Variants in GCC2 observed in about 807,000 individuals in gnomAD.
GCC2 encodes the protein GRIP and coiled-coil domain containing 2.
In GCC2, 120 loss-of-function variants were observed where a neutral mutation model predicts 210.6. The observed-to-expected ratio is 0.57, with a 90% CI of 0.49 to 0.66. GCC2 has a LOEUF of 0.66. Among genes scored for constraint, GCC2 ranks in the 30% least tolerant of loss-of-function variants. The probability of loss-of-function intolerance (pLI) is 0.00; values close to 1 mark genes in which losing one functional copy is unlikely to be tolerated. For synonymous variants in GCC2, 703 were observed against 652.7 expected (o/e 1.08, Z -1.17); for missense variants, 1,868 against 1,871.9 (o/e 1.00, Z 0.04).
At chr2:108,485,120 G>A (rs1459855301) in intron 13 of GCC2, among the ~76,000 whole-genome samples, 2 of 150,630 alleles carry the variant, frequency 1.3e-5, no homozygotes, top group Non-Finnish European at 3.0e-5. Context: ...GAACTGAACA[G>A]TGAGATCACA....
chr2:108,495,153 C>T lies in GCC2; in HGVS notation c.4448-138C>T, dbSNP rs1188189971. 8 of 537,284 alleles carry T rather than the reference C, an allele frequency of 1.5e-5. No homozygotes were observed. In the East Asian group the frequency reaches 1.9e-4, roughly 13 times the overall value. 33.3% of individuals were successfully genotyped at this position (537,284 alleles called of 1,614,324 possible). On this transcript the variant is annotated intron_variant, in intron 19 of 22. Transcript: ENST00000309863. ...AGAAATGCTTTAGCAATTCTTCATA[C>T]ACCTTTCACTTATCTTATAGTTACT...
chr2:108,470,645 A>T lies in GCC2; in HGVS notation c.1316A>T (p.Glu439Val). 1 of 1,612,506 alleles carries T rather than the reference A, an allele frequency of 6.2e-7. No homozygotes were observed. The highest frequency in any genetic ancestry group is 2.2e-5 in the East Asian group (1 of 44,856). The change falls in exon 6 of 23, where the codon GAA becomes GTA. Residue 439 changes from glutamate to valine, a missense_variant. Glu to Val is a moderately radical substitution (Grantham distance 121, BLOSUM62 -2). Around this residue, in one of 3 missense-constraint regions of GCC2, gnomAD observed 1,847 missense variants for 1,765.2 expected, o/e 1.05. Coordinates refer to ENST00000309863, the MANE Select transcript of GCC2 (RefSeq NM_181453.4). ...GAACAACATCAAAAAGAAATATCAG[A>T]ACTAAATGAGACATTTTTGTCAGAT... Reference protein sequence around the residue: ...LKEQHQKEISELNETFLSDSE... With the variant: ...LKEQHQKEISVLNETFLSDSE...
rs1329552835 is a variant in GCC2 at position 108,471,258 on chromosome 2, A to G, written c.1929A>G (p.Gln643=). 3.1e-6 allele frequency: 5 copies of G among 1,609,202 alleles called. No homozygotes were observed. The African/African-American group carries it at 6.7e-5, about 22-fold the overall frequency. The part of the protein sequence containing the change: ...QTIQYNSELE[Q]KVNELTGGLE... The stretch of plus-strand genomic sequence containing the variant: ...TCCAGTACAACAGTGAACTAGAACA[A>G]AAGGTAAATGAATTAACAGGAGGAC... The change falls in exon 6 of 23, where the codon CAA becomes CAG. Residue 643 remains glutamine (Q), a synonymous_variant. Coordinates refer to ENST00000309863, the MANE Select transcript of GCC2 (RefSeq NM_181453.4).
Position 108,466,619 on chromosome 2 carries a change from C to T in GCC2, c.217-2361C>T, listed in dbSNP as rs1470498750. Among the ~76,000 whole-genome samples, 8 of 151,736 alleles carry T rather than the reference C, an allele frequency of 5.3e-5. No homozygotes were observed. In the East Asian group the frequency reaches 1.6e-3, roughly 30 times the overall value. The stretch of plus-strand genomic sequence containing the variant: ...TCCCGAGTAGCTGGGAGTACAGGCG[C>T]CCACCACCACACCTGACTAATTTTT... On this transcript the variant is annotated intron_variant, in intron 4 of 22. Coordinates refer to ENST00000309863, the MANE Select transcript of GCC2 (RefSeq NM_181453.4).
rs200312342 is a variant in GCC2 at position 108,500,539 on chromosome 2, T to C, written c.4984+785T>C. ...AAAAACATCAACAACAAAAAAAAAC[T>C]ATGATGTAGTTAGAGTTGGTTTCCA... is the stretch of plus-strand genomic sequence containing the variant. On this transcript the variant is annotated intron_variant, in intron 22 of 22. Transcript: ENST00000309863. 4.6e-5 allele frequency among the ~76,000 whole-genome samples: 7 copies of C among 152,190 alleles called. No homozygotes were observed. The East Asian group carries it at 9.7e-4, about 21-fold the overall frequency.
chr2:108,472,056 A>G lies in GCC2; in HGVS notation c.2727A>G (p.Leu909=), dbSNP rs766504781. The G allele has an allele frequency of 8.2e-6, 13 of 1,585,706 alleles. No homozygotes were observed. In the East Asian group the frequency reaches 2.9e-4, roughly 35 times the overall value. Residue 909 remains leucine (L), a synonymous_variant, in exon 6 of 23, where the codon CTA becomes CTG. Coordinates refer to ENST00000309863, the MANE Select transcript of GCC2 (RefSeq NM_181453.4). ...EKCFIKEHEN[L]KPLLEQKELR... is the part of the protein sequence containing the mutation. The stretch of plus-strand genomic sequence containing the variant: ...GTTTTATAAAGGAACATGAAAACCT[A>G]AAGCCACTACTAGAACAAAAAGAAT...
chr2:108,509,304 A>T lies in GCC2; in HGVS notation c.*1674A>T, dbSNP rs1683371187. On this transcript the variant is annotated 3_prime_UTR_variant, in exon 23 of 23. Transcript: ENST00000309863. ...ATAATTTTTTGCATGATAAAAAATT[A>T]CTTTGATTACAAAAGGCATATTCTT... 6.6e-6 allele frequency: 1 copy of T among 152,584 alleles called. No homozygotes were observed. Among genetic ancestry groups the T allele is most frequent in the Non-Finnish European group, 1.5e-5 (1 of 68,042 alleles). The allele number at this position is 152,584 out of a possible 1,614,324, so 9.5% of individuals were successfully genotyped here. A position where few individuals can be genotyped will look rare whatever the true frequency, so the allele number is the denominator to read the frequency against.
At chr2:108,506,704 GCTT>G (rs1005905750) in intron 22 of GCC2, among the ~76,000 whole-genome samples, 2 of 152,228 alleles carry the variant, frequency 1.3e-5, no homozygotes, top group Non-Finnish European at 2.9e-5. Context: ...TTGTATATAA[GCTT>G]CTGTTTTAAA....
At position 108,485,893 on chromosome 2, in the gene GCC2, A is replaced by C; in HGVS notation, c.3777A>C (p.Gln1259His). Residue 1259 changes from glutamine (Q) to histidine (H), a missense_variant, in exon 15 of 23, where the codon CAA becomes CAC. By Grantham distance (24) the Gln-to-His change is conservative. This residue lies in a region of GCC2 where 1,847 missense variants were observed against 1,765.2 expected (regional missense o/e 1.05). Transcript: ENST00000309863. Reference protein sequence around the residue: ...LKGELEASQQQVEVYKIQLAE... With the variant: ...LKGELEASQQHVEVYKIQLAE... The stretch of plus-strand genomic sequence containing the variant: ...GTGAGCTGGAGGCAAGCCAGCAGCA[A>C]GTAGAAGTCTATAAAGTAAGGGTTT... The C allele has an allele frequency of 6.4e-7, 1 of 1,568,228 alleles. No homozygotes were observed. The highest frequency in any genetic ancestry group is 2.3e-5 in the East Asian group (1 of 44,424).
intron 4 of GCC2, among the ~76,000 whole-genome samples, chr2:108,467,086 A>C (rs1680936039): frequency 1.3e-5 from 2 of 152,156 alleles, no homozygotes; most frequent in South Asian, 4.1e-4. Context: ...TCTCTTCAAA[A>C]GTATCCTGGC....
chr2:108,484,453 A>G, intron 13 of GCC2, 142 bp downstream of exon 13: 2 of 522,904 alleles, frequency 3.8e-6, no homozygotes, highest in East Asian at 3.3e-5. Context: ...CTGGGGACCC[A>G]GAATGGGTGT....
intron 21 of GCC2, among the ~76,000 whole-genome samples, chr2:108,498,915 A>G (rs1682782853): frequency 6.6e-6 from 1 of 151,162 alleles, no homozygotes; most frequent in Non-Finnish European, 1.5e-5. Context: ...CTTAGTTTCT[A>G]TCGAAAGTAG....
Position 108,469,828 on chromosome 2 carries a change from T to G in GCC2, c.499T>G (p.Ser167Ala). 1 of 1,613,398 alleles carries G rather than the reference T, an allele frequency of 6.2e-7. No homozygotes were observed. Among genetic ancestry groups the G allele is most frequent in the Non-Finnish European group, 8.5e-7 (1 of 1,179,708 alleles). The change falls in exon 6 of 23, where the codon TCA becomes GCA. Residue 167 changes from serine (S) to alanine (A), a missense_variant. This residue lies in a region of GCC2 where 1,847 missense variants were observed against 1,765.2 expected (regional missense o/e 1.05). Transcript: ENST00000309863. ...AGCAATGAATACGCAATTAGAACTT[T>G]CAGAACAACTTAAATTTCAGAACAA... Reference protein sequence around the residue: ...EEAMNTQLELSEQLKFQNNSE... With the variant: ...EEAMNTQLELAEQLKFQNNSE...
rs1161349944 is a variant in GCC2, at chr2:108,487,967, T to C, written c.4052+147T>C. On this transcript the variant is annotated intron_variant, in intron 17 of 22. Transcript: ENST00000309863. Reference sequence around the variant, plus strand: ...TGTTGCCCAGGCTGGAGTGCAGTGGTGCAATCTCAGCTCACTGCCACTTCG... The same window carrying C: ...TGTTGCCCAGGCTGGAGTGCAGTGGCGCAATCTCAGCTCACTGCCACTTCG... 13 of 753,884 alleles carry C rather than the reference T, an allele frequency of 1.7e-5. No individual in the cohort carries two copies. The South Asian group carries it at 1.8e-4, about 10-fold the overall frequency. The allele number at this position is 753,884 out of a possible 1,614,324, so 46.7% of individuals were successfully genotyped here. A position where few individuals can be genotyped will look rare whatever the true frequency, so the allele number is the denominator to read the frequency against.
intron 9 of GCC2, among the ~76,000 whole-genome samples, chr2:108,478,823 C>G (rs1313335170): frequency 6.6e-6 from 1 of 152,110 alleles, no homozygotes; most frequent in Non-Finnish European, 1.5e-5. Context: ...GGAGCCTACC[C>G]AAATACTAAA....
chr2:108,475,006 T>C (rs1386536334), intron 7 of GCC2: 2 of 152,282 alleles, frequency 1.3e-5, no homozygotes, highest in African/African-American at 2.4e-5. Context: ...CATAACTGAA[T>C]TTTTAGAAAC....
intron 13 of GCC2, 106 bp downstream of exon 13, chr2:108,484,417 G>A: frequency 1.6e-6 from 1 of 641,642 alleles, no homozygotes; most frequent in Non-Finnish European, 2.6e-6. Flanking sequence ...CTGTCAGTCA[G>A]GTGTTTAACA....
intron 19 of GCC2, chr2:108,494,629 A>G (rs1361246820): frequency 6.6e-6 from 1 of 152,160 alleles, no homozygotes; most frequent in East Asian, 1.9e-4. Context: ...AATTGCTAGA[A>G]TCTAGTCTTT....
intron 9 of GCC2, among the ~76,000 whole-genome samples, chr2:108,481,139 G>A (rs1244913224): frequency 6.6e-6 from 1 of 152,192 alleles, no homozygotes; most frequent in African/African-American, 2.4e-5. Flanking sequence ...CCTTCAGTAG[G>A]CCAACTAGGA....
Sources: gnomAD v4.1 joint callset for allele counts (sites outside exome capture counted in the v4.1 genomes callset) on GRCh38, gnomAD v4.1.1 for gene constraint, gnomAD v4.1.1 regional missense constraint, MANE v1.5 for transcripts, NCBI Gene and HGNC (gene_info 2026-07-23, HGNC 2026-07-21) for gene names.